VTI1A: variants seen among roughly 807,000 people sequenced by gnomAD.
The protein encoded by VTI1A is vesicle transport through interaction with t-SNAREs 1A.
VTI1A carries 22 observed loss-of-function variants against 34.9 expected under a neutral mutation model. The observed-to-expected ratio is 0.63, with a 90% CI of 0.45 to 0.90. VTI1A has a LOEUF of 0.90. Among genes scored for constraint, VTI1A ranks in the 40% least tolerant of loss-of-function variants. VTI1A has a pLI of 0.00. For missense variants in VTI1A, 268 were observed against 275.6 expected, an observed-to-expected ratio of 0.97 and a Z score of 0.20; for synonymous variants, 87 against 97.3, an observed-to-expected ratio of 0.89 and a Z score of 0.62.
At chr10:112,493,870 T>C (rs1234504326) in intron 3 of VTI1A, among the ~76,000 whole-genome samples, 1 of 152,230 alleles carries the variant, frequency 6.6e-6, no homozygotes, top group Non-Finnish European at 1.5e-5. Flanking sequence ...TTACTTATAT[T>C]GTGTTAAGGA....
intron 3 of VTI1A, among the ~76,000 whole-genome samples, chr10:112,515,364 A>T (rs1282337712): frequency 6.6e-6 from 1 of 152,090 alleles, no homozygotes; most frequent in South Asian, 2.1e-4. Context: ...AATTGTGAAA[A>T]TTATATTATT....
intron 1 of VTI1A, among the ~76,000 whole-genome samples, chr10:112,452,638 A>ATT (rs1382909709): frequency 6.6e-6 from 1 of 151,834 alleles, no homozygotes; most frequent in East Asian, 1.9e-4. Context: ...CATATAAACA[A>ATT]TTGTGTGTGT....
At chr10:112,733,725 ATTATTTTATTTTATT>A (rs71035398) in intron 7 of VTI1A, among the ~76,000 whole-genome samples, 115 of 128,548 alleles carry the variant, frequency 8.9e-4, no homozygotes, top group Middle Eastern at 7.0e-3. Context: ...TCTCATTTAC[ATTATTTTATTTTATT>A]TTATTTTATT....
chr10:112,509,087 G>A (rs138448074), intron 3 of VTI1A, among the ~76,000 whole-genome samples: 1 of 152,278 alleles, frequency 6.6e-6, no homozygotes, highest in African/African-American at 2.4e-5. Flanking sequence ...AAAATAAAGA[G>A]CTCAGAGGCA....
chr10:112,710,074 G>T (rs2133918624), intron 7 of VTI1A, among the ~76,000 whole-genome samples: 1 of 149,360 alleles, frequency 6.7e-6, no homozygotes, highest in South Asian at 2.2e-4. Flanking sequence ...GGAGAACAAG[G>T]AATACAGCTC....
chr10:112,675,137 T>C (rs1034516946), intron 7 of VTI1A, among the ~76,000 whole-genome samples: 1 of 152,204 alleles, frequency 6.6e-6, no homozygotes, highest in African/African-American at 2.4e-5. Context: ...ATCCATACTA[T>C]GCTATGCCTT....
chr10:112,486,333 T>C (rs1269777954), intron 3 of VTI1A, among the ~76,000 whole-genome samples: 1 of 152,176 alleles, frequency 6.6e-6, no homozygotes, highest in Non-Finnish European at 1.5e-5. Context: ...CCTTTTTCAT[T>C]TGTAAAATGG....
At chr10:112,581,984 T>A (rs1392086164) in intron 5 of VTI1A, among the ~76,000 whole-genome samples, 1 of 152,202 alleles carries the variant, frequency 6.6e-6, no homozygotes, top group Non-Finnish European at 1.5e-5. Context: ...CTTACCTCCT[T>A]GACACACCTT....
In VTI1A at chr10:112,780,514, C is replaced by T. The variant is rs187207439; in HGVS notation, c.561-34776C>T. On this transcript the variant is annotated intron_variant, in intron 7 of 7. Transcript: ENST00000393077. ...GCCCATTTTTCTCCTTTGCTTCTTG[C>T]AGAAGGCGTTTCCAGTGGAGGTTTT... is the stretch of plus-strand genomic sequence containing the variant. Among the ~76,000 whole-genome samples the T allele has an allele frequency of 1.3e-3, 198 of 152,116 alleles. 2 individuals are homozygous for T. In the Middle Eastern group the frequency reaches 0.014, roughly 10 times the overall value.
At chr10:112,782,459 T>C (rs563102894) in intron 7 of VTI1A, among the ~76,000 whole-genome samples, 1 of 152,374 alleles carries the variant, frequency 6.6e-6, no homozygotes, top group Non-Finnish European at 1.5e-5. Flanking sequence ...CCTTAGCGTT[T>C]CCAAGGCCTT....
At chr10:112,737,295 G>A in intron 7 of VTI1A, 1 of 1,004,652 alleles carries the variant, frequency 1.0e-6, no homozygotes, top group South Asian at 4.7e-5. Flanking sequence ...TGTTGGCCAG[G>A]ATGGTCTCGA....
chr10:112,586,235 A>C (rs145692161), intron 5 of VTI1A, among the ~76,000 whole-genome samples: 1 of 152,000 alleles, frequency 6.6e-6, no homozygotes, highest in African/African-American at 2.4e-5. Flanking sequence ...AAAAGCATTC[A>C]AGGAAGCTCT....
At position 112,518,583 on chromosome 10, in the gene VTI1A, C is replaced by CTATA. The variant is rs1382921929; in HGVS notation, c.265-8503_265-8502insATAT. 2.0e-4 allele frequency among the ~76,000 whole-genome samples: 17 copies of CTATA among 83,212 alleles called. No individual in the cohort carries two copies. The East Asian group carries it at 2.9e-3, about 14-fold the overall frequency. 54.6% of individuals were successfully genotyped at this position (83,212 alleles called of 152,430 possible). A position where few individuals can be genotyped will look rare whatever the true frequency, so the allele number is the denominator to read the frequency against. On this transcript the variant is annotated intron_variant, in intron 3 of 7. Transcript: ENST00000393077. ...TCTCTCTCTCTCTCTCTCTCTCTCTCTCTCTCTATATATATATATATATAT... is the reference window on the plus strand; with the variant it reads ...TCTCTCTCTCTCTCTCTCTCTCTCTCTATATCTCTCTATATATATATATATATAT...
At chr10:112,811,416 C>T (rs767133189) in intron 7 of VTI1A, among the ~76,000 whole-genome samples, 3 of 152,074 alleles carry the variant, frequency 2.0e-5, no homozygotes, top group Non-Finnish European at 4.4e-5. Flanking sequence ...GAGTGCAGAC[C>T]GGGCGCGGTG....
intron 7 of VTI1A, among the ~76,000 whole-genome samples, chr10:112,726,338 C>A (rs527798625): frequency 1.3e-5 from 2 of 152,156 alleles, no homozygotes; most frequent in Non-Finnish European, 2.9e-5. Context: ...ATAATGGTAC[C>A]CTTTCTTACA....
intron 7 of VTI1A, among the ~76,000 whole-genome samples, chr10:112,808,876 T>C (rs537936188): frequency 3.9e-5 from 6 of 152,326 alleles, no homozygotes; most frequent in African/African-American, 1.4e-4. Flanking sequence ...GAATGGTCCT[T>C]GGCAGCTCCA....
At chr10:112,585,041 A>T (rs888794543) in intron 5 of VTI1A, among the ~76,000 whole-genome samples, 1 of 152,228 alleles carries the variant, frequency 6.6e-6, no homozygotes, top group Non-Finnish European at 1.5e-5. Context: ...TCATTTTAAT[A>T]ACAAGGATTA....
At chr10:112,585,549 C>G (rs1844115076) in intron 5 of VTI1A, among the ~76,000 whole-genome samples, 1 of 152,012 alleles carries the variant, frequency 6.6e-6, no homozygotes, top group African/African-American at 2.4e-5. Context: ...CATAAGTTTC[C>G]TTTTCTACTT....
chr10:112,833,419 T>A, the VTI1A span, among the ~76,000 whole-genome samples: 1 of 151,838 alleles, frequency 6.6e-6, no homozygotes, highest in Non-Finnish European at 1.5e-5. Flanking sequence ...CGCCAGCCAC[T>A]AAGGAACCAA....
Sources: gnomAD v4.1 joint callset for allele counts (sites outside exome capture counted in the v4.1 genomes callset) on GRCh38, gnomAD v4.1.1 for gene constraint, MANE v1.5 for transcripts, NCBI Gene and HGNC (gene_info 2026-07-23, HGNC 2026-07-21) for gene names.